The following TLN1 variants were observed in gnomAD, a reference collection of about 807,000 sequenced individuals.
The protein encoded by TLN1 is talin 1.
TLN1 carries 56 observed loss-of-function variants against 292.3 expected under a neutral mutation model. The ratio of observed to expected loss-of-function variants is 0.19; its 90% CI spans 0.15 to 0.24. The LOEUF is 0.24. Ranked by LOEUF, TLN1 falls within the 10% of genes least tolerant of loss-of-function variation. The pLI, the probability that TLN1 is intolerant of heterozygous loss-of-function variation, is 1.00. For synonymous variants in TLN1, 1,119 were observed against 1,253.7 expected, an observed-to-expected ratio of 0.89 and a Z score of 2.27; for missense variants, 2,433 against 3,248.2, an observed-to-expected ratio of 0.75 and a Z score of 6.10.
In TLN1 at chr9:35,710,761, C is replaced by T. The variant is rs1277384298; in HGVS notation, c.4203+36G>A. On this transcript the variant is annotated intron_variant, in intron 32 of 56. Coordinates refer to ENST00000314888, the MANE Select transcript of TLN1 (RefSeq NM_006289.4). ...GCAGCATCTGGTTAGCTCCATCCTA[C>T]TGCCCTCTCTCCTCCGAGTTCCTGG... The T allele has an allele frequency of 2.5e-6, 4 of 1,613,806 alleles. No homozygotes were observed. The East Asian group carries it at 6.7e-5, about 27-fold the overall frequency.
chr9:35,718,578 G>T (rs1448152812), intron 17 of TLN1, among the ~76,000 whole-genome samples: 1 of 152,110 alleles, frequency 6.6e-6, no homozygotes, highest in Non-Finnish European at 1.5e-5. Flanking sequence ...ATGACAAGGG[G>T]CTAAAGAATA....
rs879031982 is a variant in TLN1 at position 35,707,180 on chromosome 9, G to A, written c.4847C>T (p.Thr1616Ile). The change falls in exon 37 of 57, where the codon ACA (threonine) becomes ATA (isoleucine). Residue 1616 changes from threonine to isoleucine, a missense_variant. Physicochemically the swap from Thr to Ile is moderately conservative, Grantham distance 89. This residue lies in a region of TLN1 where 1,384 missense variants were observed against 1,699.6 expected (regional missense o/e 0.81). Transcript: ENST00000314888. This position sits in a 1 kb window ranked among gnomAD's most constrained non-coding sequence, Gnocchi z 5.6. ...GGGATTGACTGCGAGGGCCCGGGCT[G>A]TCTGGATGAGTCCCCCGGCACTCTC... ...MLESAGGLIQTARALAVNPRD... is the reference protein window; with the variant it reads ...MLESAGGLIQIARALAVNPRD... The A allele has an allele frequency of 2.5e-6, 4 of 1,609,498 alleles. No individual in the cohort carries two copies. Among genetic ancestry groups the A allele is most frequent in the Non-Finnish European group, 3.4e-6 (4 of 1,178,618 alleles).
rs1413415117 is a variant in TLN1 at position 35,719,589 on chromosome 9, T to A, written c.1617A>T (p.Ser539=). The part of the protein sequence containing the change: ...KAWRKNKMDE[S]KHEIHSQVDA... ...CTACCTGAGAGTGGATCTCATGCTT[T>A]GATTCATCCATCTTGTTTTTACGCC... The change falls in exon 15 of 57, where the codon TCA becomes TCT. Residue 539 remains serine (S), a synonymous_variant. Coordinates refer to ENST00000314888, the MANE Select transcript of TLN1 (RefSeq NM_006289.4). The surrounding 1 kb of genome is among the most constrained non-coding windows in gnomAD (Gnocchi z 4.6). 1 of 1,614,080 alleles carries A rather than the reference T, an allele frequency of 6.2e-7. No individual in the cohort carries two copies. The highest frequency in any genetic ancestry group is 1.3e-5 in the African/African-American group (1 of 74,926).
intron 7 of TLN1, 188 bp downstream of exon 7, chr9:35,723,764 A>T (rs1825918893): frequency 1.3e-6 from 1 of 797,176 alleles, no homozygotes; most frequent in Non-Finnish European, 2.0e-6. Flanking sequence ...ACTGAACTAC[A>T]TTCATATTCC....
chr9:35,712,495 A>C (rs953157076), intron 27 of TLN1, among the ~76,000 whole-genome samples: 1 of 152,128 alleles, frequency 6.6e-6, no homozygotes, highest in Non-Finnish European at 1.5e-5. Context: ...ACAAAATTCA[A>C]AAATTAGCTG....
In TLN1 at chr9:35,720,019, G is replaced by A. The variant is rs952754569; in HGVS notation, c.1464+20C>T. ...GGTGAGAGAAGGGCCCTGGCACCGT[G>A]GTGGAAGTGGGACACTTACCAGAGG... On this transcript the variant is annotated intron_variant, in intron 13 of 56. Transcript: ENST00000314888. The A allele has an allele frequency of 4.4e-6, 7 of 1,576,944 alleles. No homozygotes were observed. The highest frequency in any genetic ancestry group is 5.2e-6 in the Non-Finnish European group (6 of 1,160,860).
In TLN1 at chr9:35,699,554, A is replaced by G. The variant is rs1229112756; in HGVS notation, c.6769-93T>C. 1 of 1,483,614 alleles carries G rather than the reference A, an allele frequency of 6.7e-7. No homozygotes were observed. The highest frequency in any genetic ancestry group is 9.0e-7 in the Non-Finnish European group (1 of 1,113,400). The allele number at this position is 1,483,614 out of a possible 1,614,324, so 91.9% of individuals were successfully genotyped here. A position where few individuals can be genotyped will look rare whatever the true frequency, so the allele number is the denominator to read the frequency against. ...GGCAGACCATGGCCCCCTCACCCCT[A>G]TCCCTAGAGCACTCCACACCATAGC... is the stretch of plus-strand genomic sequence containing the variant. On this transcript the variant is annotated intron_variant, in intron 50 of 56. Transcript: ENST00000314888. This position sits in a 1 kb window ranked among gnomAD's most constrained non-coding sequence, Gnocchi z 4.0.
At chr9:35,711,886 G>A in intron 28 of TLN1, 94 bp from the exon 29 acceptor site, 1 of 1,595,812 alleles carries the variant, frequency 6.3e-7, no homozygotes, top group South Asian at 1.1e-5. Context: ...CACATAGCCT[G>A]GGAGTAATGA....
rs1389874860 is a variant in TLN1, at chr9:35,719,586, C to T, written c.1620G>A (p.Lys540=). ...CATCTACCTGAGAGTGGATCTCATGCTTTGATTCATCCATCTTGTTTTTAC... is the reference window on the plus strand; with the variant it reads ...CATCTACCTGAGAGTGGATCTCATGTTTTGATTCATCCATCTTGTTTTTAC... The part of the protein sequence containing the change: ...AWRKNKMDES[K]HEIHSQVDAI... The change falls in exon 15 of 57, where the codon AAG becomes AAA. Residue 540 remains lysine, a synonymous_variant. Coordinates refer to ENST00000314888, the MANE Select transcript of TLN1 (RefSeq NM_006289.4). This position sits in a 1 kb window ranked among gnomAD's most constrained non-coding sequence, Gnocchi z 4.6. 6.2e-7 allele frequency: 1 copy of T among 1,614,208 alleles called. No individual in the cohort carries two copies. The highest frequency in any genetic ancestry group is 1.7e-5 in the Admixed American group (1 of 60,018).
Position 35,720,150 on chromosome 9 carries a change from G to A in TLN1, c.1353C>T (p.Ala451=). The change falls in exon 13 of 57, where the codon GCC becomes GCT. Residue 451 remains alanine, a synonymous_variant. Coordinates refer to ENST00000314888, the MANE Select transcript of TLN1 (RefSeq NM_006289.4). ...GACCAGAGGCTCCAGAGCGCATGAT[G>A]GCAGGCAGGGCCACAGAGCCATGCT... The part of the protein sequence containing the change: ...KVEHGSVALP[A]IMRSGASGPE... The A allele has an allele frequency of 6.2e-7, 1 of 1,612,322 alleles. No individual in the cohort carries two copies. Among genetic ancestry groups the A allele is most frequent in the Admixed American group, 1.7e-5 (1 of 59,568 alleles).
At position 35,704,877 on chromosome 9, in the gene TLN1, C is replaced by T. The variant is rs535509824; in HGVS notation, c.5734-62G>A. The T allele has an allele frequency of 2.6e-6, 4 of 1,556,878 alleles. No homozygotes were observed. In the South Asian group the frequency reaches 4.6e-5, roughly 18 times the overall value. Reference sequence around the variant, plus strand: ...GGGCACTCAGGGTACCTTCACTGTGCTTGGAAAAGTCACTAAGGACATAGA... The same window carrying T: ...GGGCACTCAGGGTACCTTCACTGTGTTTGGAAAAGTCACTAAGGACATAGA... On this transcript the variant is annotated intron_variant, in intron 43 of 56. Coordinates refer to ENST00000314888, the MANE Select transcript of TLN1 (RefSeq NM_006289.4). This position sits in a 1 kb window ranked among gnomAD's most constrained non-coding sequence, Gnocchi z 6.9.
chr9:35,714,711 G>C lies in TLN1; in HGVS notation c.2872-24C>G. On this transcript the variant is annotated intron_variant, in intron 22 of 56. Transcript: ENST00000314888. The surrounding 1 kb of genome is among the most constrained non-coding windows in gnomAD (Gnocchi z 4.6). ...GCCTGTAGGTGAAAATGTCATAAGA[G>C]ACCCACAAGTCTCCCTCTTCCACTC... 1 of 1,613,100 alleles carries C rather than the reference G, an allele frequency of 6.2e-7. No homozygotes were observed. Among genetic ancestry groups the C allele is most frequent in the Non-Finnish European group, 8.5e-7 (1 of 1,179,292 alleles).
At chr9:35,723,553 T>G (rs1460978253) in intron 7 of TLN1, 1 of 229,166 alleles carries the variant, frequency 4.4e-6, no homozygotes, top group African/African-American at 2.4e-5. Context: ...AGGATGAACA[T>G]GCACTTAGGA....
At chr9:35,730,495 A>G (rs1826055694) in intron 1 of TLN1, among the ~76,000 whole-genome samples, 1 of 152,118 alleles carries the variant, frequency 6.6e-6, no homozygotes, top group South Asian at 2.1e-4. Flanking sequence ...GGGGTGACAC[A>G]CAGCAGGGGA....
Position 35,721,814 on chromosome 9 carries a change from G to A in TLN1, c.949-11C>T. On this transcript the variant is annotated splice_polypyrimidine_tract_variant and intron_variant, in intron 9 of 56. Transcript: ENST00000314888. ...CCCTTTCATTTTTTCCTATGAGGCA[G>A]AGGTTGGTGTTGGTGTTACAGGTCA... 6.2e-7 allele frequency: 1 copy of A among 1,606,992 alleles called. No homozygotes were observed. The highest frequency in any genetic ancestry group is 8.5e-7 in the Non-Finnish European group (1 of 1,173,878).
chr9:35,702,813 G>A (rs1018413353), intron 48 of TLN1, among the ~76,000 whole-genome samples: 3 of 152,086 alleles, frequency 2.0e-5, no homozygotes, highest in African/African-American at 7.2e-5. Context: ...ATGCCCAGCA[G>A]AAGAAAGAAT....
In TLN1 at chr9:35,697,718, G is replaced by A. The variant is rs1478626589; in HGVS notation, c.*73C>T. The A allele has an allele frequency of 1.2e-5, 19 of 1,577,942 alleles. No homozygotes were observed. The South Asian group carries it at 1.5e-4, about 12-fold the overall frequency. On this transcript the variant is annotated 3_prime_UTR_variant, in exon 57 of 57. Coordinates refer to ENST00000314888, the MANE Select transcript of TLN1 (RefSeq NM_006289.4). ...GCTGGGGTTGGGCAGGTTGGGCCCC[G>A]ACAGCCCAGAAGGCTTTGGTAGTGG...
intron 2 of TLN1, 36 bp from the exon 3 acceptor site, chr9:35,725,357 G>C (rs193254908): frequency 1.2e-6 from 2 of 1,602,796 alleles, no homozygotes; most frequent in Non-Finnish European, 1.7e-6. Flanking sequence ...GGCTTATGAA[G>C]ACCCCAATGT....
chr9:35,730,920 G>A (rs1399981750), intron 1 of TLN1, among the ~76,000 whole-genome samples: 1 of 152,040 alleles, frequency 6.6e-6, no homozygotes, highest in Non-Finnish European at 1.5e-5. Flanking sequence ...TCTTCCCTAG[G>A]CAGTCCCCAA....
Sources: allele counts gnomAD v4.1 joint callset (sites outside exome capture counted in the v4.1 genomes callset), GRCh38; gene constraint gnomAD v4.1.1; regional missense constraint gnomAD v4.1.1; non-coding constraint Gnocchi (gnomAD v3.1); transcripts MANE v1.5; gene names NCBI Gene and HGNC (gene_info 2026-07-23, HGNC 2026-07-21).